The following PICALM variants were observed in gnomAD, a reference collection of about 807,000 sequenced individuals.
The protein encoded by PICALM is phosphatidylinositol-binding clathrin assembly protein.
PICALM carries 40 observed loss-of-function variants against 80.5 expected under a neutral mutation model. The ratio of observed to expected loss-of-function variants is 0.50; its 90% confidence interval spans 0.39 to 0.65. The LOEUF (loss-of-function observed/expected upper bound fraction) is 0.65, where lower values mean the gene tolerates loss of function less well. Among genes scored for constraint, PICALM ranks in the 30% least tolerant of loss-of-function variants. The pLI, the probability that PICALM is intolerant of heterozygous loss-of-function variation, is 0.00. For synonymous variants in PICALM, 288 were observed against 260.3 expected, an observed-to-expected ratio of 1.11 and a Z score of -1.02; for missense variants, 676 against 778.9, an observed-to-expected ratio of 0.87 and a Z score of 1.57.
intron 1 of PICALM, among the ~76,000 whole-genome samples, chr11:86,050,087 C>T (rs1371498950): frequency 6.6e-6 from 1 of 151,532 alleles, no homozygotes; most frequent in African/African-American, 2.4e-5. Context: ...AGCCTATAAT[C>T]CCAGCTACTC....
intron 1 of PICALM, among the ~76,000 whole-genome samples, chr11:86,033,847 G>A (rs968030812): frequency 6.6e-6 from 1 of 152,000 alleles, no homozygotes; most frequent in Non-Finnish European, 1.5e-5. Context: ...TTCTTAACAT[G>A]ACATTTTTTC....
rs1338881688 is a variant in PICALM at position 86,012,262 on chromosome 11, A to G, written c.658+19T>C. 1 of 1,268,516 alleles carries G rather than the reference A, an allele frequency of 7.9e-7. No homozygotes were observed. The highest frequency in any genetic ancestry group is 1.7e-5 in the Admixed American group (1 of 57,240). The allele number at this position is 1,268,516 out of a possible 1,614,324, so 78.6% of individuals were successfully genotyped here. A position where few individuals can be genotyped will look rare whatever the true frequency, so the allele number is the denominator to read the frequency against. ...ATGACACAAGATAAGAAATGTTATT[A>G]GGCTACAGCAGTATTTACCCAACAA... is the stretch of plus-strand genomic sequence containing the variant. On this transcript the variant is annotated intron_variant, in intron 6 of 19. Transcript: ENST00000393346.
chr11:85,967,720 CAACAAAACCAAAA>C (rs967178670), intron 19 of PICALM, among the ~76,000 whole-genome samples: 8 of 152,122 alleles, frequency 5.3e-5, no homozygotes, highest in Admixed American at 1.3e-4. Flanking sequence ...AAAACAACAA[CAACAAAACCAAAA>C]AACAAAACCA....
chr11:85,984,823 A>G (rs2094531764), intron 13 of PICALM, among the ~76,000 whole-genome samples: 1 of 152,172 alleles, frequency 6.6e-6, no homozygotes, highest in South Asian at 2.1e-4. Flanking sequence ...ATGTGAGGTT[A>G]TATTTAAGTA....
At chr11:86,025,070 C>G (rs1217144311) in intron 3 of PICALM, among the ~76,000 whole-genome samples, 1 of 152,170 alleles carries the variant, frequency 6.6e-6, no homozygotes, top group African/African-American at 2.4e-5. Flanking sequence ...TGTGCATGGA[C>G]AGCTATAACC....
At chr11:86,030,320 A>T (rs1473837752) in intron 2 of PICALM, among the ~76,000 whole-genome samples, 1 of 152,242 alleles carries the variant, frequency 6.6e-6, no homozygotes, top group African/African-American at 2.4e-5. Flanking sequence ...GAACTTTAAT[A>T]ATGCTATATT....
At chr11:85,984,447 C>T (rs2094523577) in intron 13 of PICALM, among the ~76,000 whole-genome samples, 1 of 152,162 alleles carries the variant, frequency 6.6e-6, no homozygotes, top group African/African-American at 2.4e-5. Context: ...TTCTCTCCAT[C>T]CTTCCTTCAA....
At chr11:85,997,197 A>T (rs1379442766) in intron 11 of PICALM, among the ~76,000 whole-genome samples, 1 of 152,206 alleles carries the variant, frequency 6.6e-6, no homozygotes, top group Non-Finnish European at 1.5e-5. Context: ...CCCTAGAAAA[A>T]ACTAATTTCC....
At chr11:86,062,826 A>C (rs774513450) in intron 1 of PICALM, among the ~76,000 whole-genome samples, 6 of 152,222 alleles carry the variant, frequency 3.9e-5, no homozygotes, top group Non-Finnish European at 8.8e-5. Context: ...TTGATTCTCT[A>C]GAGAAACGTA....
intron 1 of PICALM, among the ~76,000 whole-genome samples, chr11:86,055,939 C>T (rs180712100): frequency 5.5e-4 from 83 of 151,684 alleles, no homozygotes; most frequent in Non-Finnish European, 9.0e-4. Context: ...AGTTCAAGAC[C>T]AGCCTGGCCA....
At chr11:86,047,434 T>C (rs1005548097) in intron 1 of PICALM, among the ~76,000 whole-genome samples, 2 of 152,240 alleles carry the variant, frequency 1.3e-5, no homozygotes, top group Non-Finnish European at 2.9e-5. Context: ...TTCTGGGCAT[T>C]GCCCATTTCC....
At chr11:86,038,341 A>C (rs1672229915) in intron 1 of PICALM, among the ~76,000 whole-genome samples, 1 of 151,806 alleles carries the variant, frequency 6.6e-6, no homozygotes, top group African/African-American at 2.4e-5. Context: ...AACAAAACAA[A>C]ACAAAAAAAG....
intron 4 of PICALM, among the ~76,000 whole-genome samples, chr11:86,017,804 C>T (rs1302975820): frequency 6.6e-6 from 1 of 152,122 alleles, no homozygotes; most frequent in African/African-American, 2.4e-5. Context: ...AATAAAATAT[C>T]CTTGTTTTTA....
chr11:86,019,220 A>G (rs1592983232), intron 4 of PICALM, among the ~76,000 whole-genome samples: 1 of 152,048 alleles, frequency 6.6e-6, no homozygotes, highest in East Asian at 1.9e-4. Flanking sequence ...TTGCCATGAT[A>G]TAATAATTTC....
chr11:85,981,857 C>A lies in PICALM; in HGVS notation c.1648+15G>T. 2 of 1,613,190 alleles carry A rather than the reference C, an allele frequency of 1.2e-6. No individual in the cohort carries two copies. The highest frequency in any genetic ancestry group is 1.7e-6 in the Non-Finnish European group (2 of 1,179,180). On this transcript the variant is annotated intron_variant, in intron 15 of 19. Coordinates refer to ENST00000393346, the MANE Select transcript of PICALM (RefSeq NM_007166.4). ...ACAACATAAAAGAAGATTAACGTAT[C>A]CAAAGACTACTTACTGCCCACAAGG...
chr11:86,018,272 G>A (rs903054515), intron 4 of PICALM, among the ~76,000 whole-genome samples: 5 of 152,080 alleles, frequency 3.3e-5, no homozygotes, highest in African/African-American at 1.2e-4. Context: ...AAGGGGGAGT[G>A]TGCTCAATAT....
intron 1 of PICALM, among the ~76,000 whole-genome samples, chr11:86,057,587 A>ATGTGTG (rs144096578): frequency 9.9e-5 from 15 of 150,838 alleles, no homozygotes; most frequent in African/African-American, 1.7e-4. Context: ...ATAAAAAATT[A>ATGTGTG]TGTGTGTGTG....
chr11:85,997,282 T>C (rs1436841645), intron 11 of PICALM, among the ~76,000 whole-genome samples: 1 of 152,144 alleles, frequency 6.6e-6, no homozygotes. Context: ...TTAATAAAAC[T>C]CTTTTCTTAC....
intron 19 of PICALM, among the ~76,000 whole-genome samples, chr11:85,969,940 C>A (rs2094043059): frequency 1.3e-5 from 2 of 152,170 alleles, no homozygotes; most frequent in Non-Finnish European, 2.9e-5. Context: ...ACAAATCAAA[C>A]CAATTTTGAA....
Sources: allele counts gnomAD v4.1 joint callset (sites outside exome capture counted in the v4.1 genomes callset), GRCh38; gene constraint gnomAD v4.1.1; transcripts MANE v1.5; gene names NCBI Gene and HGNC (gene_info 2026-07-23, HGNC 2026-07-21).